Variants in TRMT11 observed in about 807,000 individuals in gnomAD.
The protein encoded by TRMT11 is tRNA methyltransferase 11.
In TRMT11, 53 loss-of-function variants were observed where a neutral mutation model predicts 62.8. The ratio of observed to expected loss-of-function variants is 0.84; its 90% CI spans 0.68 to 1.06. The LOEUF is 1.06. TRMT11 is among the 50% of genes least tolerant of loss of function. The pLI, the probability that TRMT11 is intolerant of heterozygous loss-of-function variation, is 0.00. For synonymous variants in TRMT11, 188 were observed against 190.3 expected (o/e 0.99, Z 0.10); for missense variants, 556 against 553.4 (o/e 1.00, Z -0.05).
intron 16 of TRMT11, among the ~76,000 whole-genome samples, chr6:126,047,239 T>G (rs1173598936): frequency 6.6e-6 from 1 of 151,762 alleles, no homozygotes; most frequent in Non-Finnish European, 1.5e-5. Context: ...ATTCCTGTTT[T>G]TGTGCCCAAA....
chr6:126,010,838 C>T lies in TRMT11; in HGVS notation c.761-415C>T, dbSNP rs904086896. Reference sequence around the variant, plus strand: ...TTAGCAATGTCTCCATTTTGCCTCCCTTCCTCATGGTCACAACTGCGGCAT... The same window carrying T: ...TTAGCAATGTCTCCATTTTGCCTCCTTTCCTCATGGTCACAACTGCGGCAT... On this transcript the variant is annotated intron_variant, in intron 8 of 12. Coordinates refer to ENST00000334379, the MANE Select transcript of TRMT11 (RefSeq NM_001031712.3). Among the ~76,000 whole-genome samples, 6 of 152,152 alleles carry T rather than the reference C, an allele frequency of 3.9e-5. No homozygotes were observed. In the East Asian group the frequency reaches 7.7e-4, roughly 20 times the overall value.
At chr6:125,999,983 T>A (rs1254948657) in intron 7 of TRMT11, among the ~76,000 whole-genome samples, 1 of 152,212 alleles carries the variant, frequency 6.6e-6, no homozygotes, top group Non-Finnish European at 1.5e-5. Context: ...CAAAAAAATG[T>A]ATTCATCCAG....
rs142051679 is a variant in TRMT11 at position 126,077,706 on chromosome 6, G to A, written c.*1437+24516G>A. Among the ~76,000 whole-genome samples the A allele has an allele frequency of 3.5e-3, 526 of 152,248 alleles. 1 individual carries two copies. The highest frequency in any genetic ancestry group is 6.8e-3 in the Middle Eastern group (2 of 294). On this transcript the variant is annotated intron_variant and NMD_transcript_variant, in intron 17 of 22. Coordinates refer to the TRMT11 transcript ENST00000648977. The stretch of plus-strand genomic sequence containing the variant: ...TGAGTATTTGTTGAGGATATTCTTC[G>A]TGCTACATTAAGTGAATGCAGGCAG...
intron 1 of TRMT11, 124 bp downstream of exon 1, chr6:125,986,746 G>A: frequency 2.2e-6 from 2 of 916,486 alleles, no homozygotes; most frequent in Non-Finnish European, 3.2e-6. Context: ...GGTCTGCGCG[G>A]GTCACGCGTC....
the TRMT11 span, among the ~76,000 whole-genome samples, chr6:126,211,868 C>T: frequency 2.6e-5 from 4 of 152,098 alleles, no homozygotes; most frequent in East Asian, 5.8e-4. Context: ...AATACTAGAT[C>T]TCATTCATTT....
the TRMT11 span, among the ~76,000 whole-genome samples, chr6:126,248,501 A>G: frequency 2.0e-5 from 3 of 152,128 alleles, no homozygotes; most frequent in African/African-American, 7.2e-5. Context: ...AAAAGATAAC[A>G]AGAAAAAAAA....
chr6:126,042,281 C>A, downstream of TRMT11, among the ~76,000 whole-genome samples: 1 of 152,152 alleles, frequency 6.6e-6, no homozygotes, highest in East Asian at 1.9e-4. Flanking sequence ...ATCTGCCTTA[C>A]GATGTTCATA....
At chr6:126,265,607 T>G in the TRMT11 span, among the ~76,000 whole-genome samples, 2 of 152,092 alleles carry the variant, frequency 1.3e-5, no homozygotes, top group Non-Finnish European at 2.9e-5. Context: ...TTTAAGTTTA[T>G]AGCTTTTACC....
At chr6:126,028,212 G>C (rs144861017) in intron 12 of TRMT11, among the ~76,000 whole-genome samples, 1 of 152,196 alleles carries the variant, frequency 6.6e-6, no homozygotes, top group East Asian at 1.9e-4. Flanking sequence ...CTTTTGATTA[G>C]AGGTATAAAA....
chr6:125,999,765 C>G (rs1054893541), intron 7 of TRMT11, 152 bp downstream of exon 7: 4 of 609,456 alleles, frequency 6.6e-6, no homozygotes, highest in Non-Finnish European at 1.1e-5. Context: ...TGTGTAATAG[C>G]TAGTATTTAA....
the TRMT11 span, among the ~76,000 whole-genome samples, chr6:126,233,935 G>T: frequency 6.6e-6 from 1 of 152,198 alleles, no homozygotes; most frequent in South Asian, 2.1e-4. Context: ...TATTGTAAAG[G>T]TAGAATTAAT....
At chr6:125,986,727 G>C in intron 1 of TRMT11, 105 bp downstream of exon 1, 1 of 1,082,070 alleles carries the variant, frequency 9.2e-7, no homozygotes, top group Non-Finnish European at 1.3e-6. Flanking sequence ...GGATTCGGGG[G>C]TCTTCGCTGG....
rs116517825 is a variant in TRMT11, at chr6:126,127,845, G to T, written c.*1823+11990G>T. On this transcript the variant is annotated intron_variant and NMD_transcript_variant, in intron 21 of 22. Transcript: ENST00000648977. ...CTATGCAACTAAGCATAAAGTGGAT[G>T]ACCACTTGGTGGGGATATTGTAGAA... Among the ~76,000 whole-genome samples, 1,083 of 152,174 alleles carry T rather than the reference G, an allele frequency of 7.1e-3. 13 individuals carry two copies. The highest frequency in any genetic ancestry group is 0.025 in the African/African-American group (1,032 of 41,546).
chr6:126,230,007 C>G, the TRMT11 span, among the ~76,000 whole-genome samples: 1 of 152,112 alleles, frequency 6.6e-6, no homozygotes. Context: ...GGGAACATCA[C>G]TATGTTCATC....
chr6:126,245,841 T>A, the TRMT11 span, among the ~76,000 whole-genome samples: 1 of 152,168 alleles, frequency 6.6e-6, no homozygotes, highest in Non-Finnish European at 1.5e-5. Context: ...CTCATGCCTA[T>A]AATTCTAGCT....
downstream of TRMT11, among the ~76,000 whole-genome samples, chr6:126,039,774 G>T (rs183114921): frequency 3.5e-3 from 529 of 152,094 alleles, 3 homozygotes; most frequent in African/African-American, 0.012. Flanking sequence ...GGCAGTAAAT[G>T]GATCCTCTCT....
downstream of TRMT11, among the ~76,000 whole-genome samples, chr6:126,040,030 G>C (rs1392043100): frequency 6.6e-6 from 1 of 152,000 alleles, no homozygotes; most frequent in Admixed American, 6.6e-5. Context: ...TGGTACACTG[G>C]GGGGAAATCT....
intron 12 of TRMT11, among the ~76,000 whole-genome samples, chr6:126,029,139 A>G (rs907869081): frequency 6.6e-6 from 1 of 152,092 alleles, no homozygotes; most frequent in South Asian, 2.1e-4. Context: ...TATTTGTCAT[A>G]TGTTTATTTA....
At chr6:126,012,731 T>G in intron 9 of TRMT11, 40 bp from the exon 10 acceptor site, 2 of 1,526,738 alleles carry the variant, frequency 1.3e-6, no homozygotes, top group South Asian at 2.3e-5. Context: ...CATGATTTGG[T>G]GACTTTTGAC....
Sources: allele counts gnomAD v4.1 joint callset (sites outside exome capture counted in the v4.1 genomes callset), GRCh38; gene constraint gnomAD v4.1.1; transcripts MANE v1.5; gene names NCBI Gene and HGNC (gene_info 2026-07-23, HGNC 2026-07-21).